SYNJ1: variants seen among roughly 807,000 people sequenced by gnomAD.
SYNJ1 encodes synaptojanin 1, also known as polyphosphatidylinositol phosphatase SYNJ1.
A neutral mutation model predicts 168.2 loss-of-function variants in SYNJ1; 78 were observed. The ratio of observed to expected loss-of-function variants is 0.46; its 90% CI spans 0.39 to 0.56. The LOEUF (loss-of-function observed/expected upper bound fraction) is 0.56, where lower values mean the gene tolerates loss of function less well. Among genes scored for constraint, SYNJ1 ranks in the 20% least tolerant of loss-of-function variants. The pLI is 0.00. For missense variants in SYNJ1, 1,303 were observed against 1,597.6 expected, an observed-to-expected ratio of 0.82 and a Z score of 3.14; for synonymous variants, 539 against 548.6, an observed-to-expected ratio of 0.98 and a Z score of 0.24.
At chr21:32,710,650 A>G (rs909579208) in intron 2 of SYNJ1, among the ~76,000 whole-genome samples, 2 of 152,066 alleles carry the variant, frequency 1.3e-5, no homozygotes, top group Non-Finnish European at 1.5e-5. Flanking sequence ...TCAACCTCCC[A>G]AAGTGCTGGG....
chr21:32,645,364 G>A (rs2040014198), intron 25 of SYNJ1, among the ~76,000 whole-genome samples: 1 of 152,072 alleles, frequency 6.6e-6, no homozygotes, highest in African/African-American at 2.4e-5. Flanking sequence ...CAGTTTACAT[G>A]CCTAACTAGA....
intron 4 of SYNJ1, among the ~76,000 whole-genome samples, chr21:32,698,000 T>A (rs2042270841): frequency 6.6e-6 from 1 of 152,194 alleles, no homozygotes; most frequent in African/African-American, 2.4e-5. Flanking sequence ...CATCTTCTAC[T>A]AGAAAAAATG....
intron 22 of SYNJ1, among the ~76,000 whole-genome samples, chr21:32,651,346 T>C (rs1007303080): frequency 2.6e-4 from 39 of 152,290 alleles, no homozygotes; most frequent in Admixed American, 1.6e-3. Flanking sequence ...TGGCTCAAAG[T>C]GTTACTGATA....
intron 2 of SYNJ1, among the ~76,000 whole-genome samples, chr21:32,716,872 T>C (rs2043041567): frequency 6.6e-6 from 1 of 152,222 alleles, no homozygotes; most frequent in African/African-American, 2.4e-5. Flanking sequence ...ACAGTTTCTA[T>C]TACTATGTCT....
intron 23 of SYNJ1, 74 bp downstream of exon 23, chr21:32,650,110 G>A (rs1694132191): frequency 6.7e-7 from 1 of 1,491,806 alleles, no homozygotes. Flanking sequence ...AGATGAACTT[G>A]GAAAATAAGA....
intron 12 of SYNJ1, among the ~76,000 whole-genome samples, chr21:32,677,348 A>G (rs1018570661): frequency 6.6e-6 from 1 of 152,210 alleles, no homozygotes; most frequent in Non-Finnish European, 1.5e-5. Context: ...GTTCCCTAAT[A>G]TATCATATTG....
At chr21:32,676,229 T>TGA (rs771122279) in intron 13 of SYNJ1, 103 bp downstream of exon 13, 70 of 888,180 alleles carry the variant, frequency 7.9e-5, no homozygotes, top group Non-Finnish European at 1.1e-4. Flanking sequence ...GATGGCAAAA[T>TGA]GAGAAAGTTT....
intron 32 of SYNJ1, among the ~76,000 whole-genome samples, chr21:32,633,330 T>C (rs1299010764): frequency 2.0e-5 from 3 of 152,106 alleles, no homozygotes; most frequent in Non-Finnish European, 4.4e-5. Context: ...AAGAAGGTGG[T>C]TGGAGTGGAG....
chr21:32,695,829 A>AT (rs2042187453), intron 4 of SYNJ1, among the ~76,000 whole-genome samples: 2 of 140,098 alleles, frequency 1.4e-5, no homozygotes, highest in African/African-American at 5.4e-5. Context: ...AGCCGGGCTA[A>AT]TTTTTTGTTT....
chr21:32,714,290 C>T (rs1351084656), intron 2 of SYNJ1, among the ~76,000 whole-genome samples: 3 of 152,054 alleles, frequency 2.0e-5, no homozygotes, highest in African/African-American at 7.2e-5. Context: ...TGTAGGTCAT[C>T]TTAGAGTTTA....
chr21:32,656,965 A>G (rs1302478185), intron 20 of SYNJ1, 38 bp downstream of exon 20: 1 of 1,610,630 alleles, frequency 6.2e-7, no homozygotes, highest in African/African-American at 1.3e-5. Flanking sequence ...TTTCAAACAA[A>G]TTTCAAACAC....
chr21:32,639,291 T>C (rs982528287), intron 30 of SYNJ1, among the ~76,000 whole-genome samples, 166 bp from the exon 31 acceptor site: 4 of 152,188 alleles, frequency 2.6e-5, no homozygotes, highest in African/African-American at 7.2e-5. Context: ...GAATATATGT[T>C]GTAGAAGGTG....
chr21:32,631,444 C>T lies in SYNJ1; in HGVS notation c.*361G>A. ...TCTTTGGAGAACCATGAAGTTGCCT[C>T]TGATTCTTCAGACTTGGCTCTAAAT... On this transcript the variant is annotated 3_prime_UTR_variant, in exon 33 of 33. Transcript: ENST00000674351. The T allele has an allele frequency of 6.2e-7, 1 of 1,614,164 alleles. No individual in the cohort carries two copies. Among genetic ancestry groups the T allele is most frequent in the Non-Finnish European group, 8.5e-7 (1 of 1,180,024 alleles).
intron 2 of SYNJ1, among the ~76,000 whole-genome samples, chr21:32,707,754 A>C (rs1457082679): frequency 2.6e-5 from 4 of 152,244 alleles, no homozygotes; most frequent in African/African-American, 9.6e-5. Context: ...TGTGCATTAA[A>C]GAACATGTTT....
chr21:32,687,991 T>G (rs553127740), intron 7 of SYNJ1, among the ~76,000 whole-genome samples: 9 of 152,106 alleles, frequency 5.9e-5, no homozygotes, highest in African/African-American at 1.7e-4. Context: ...AAATCTAGTG[T>G]GCATTTTATA....
chr21:32,638,859 T>C, intron 31 of SYNJ1, 49 bp downstream of exon 31: 1 of 1,512,914 alleles, frequency 6.6e-7, no homozygotes, highest in Non-Finnish European at 8.9e-7. Context: ...GTTCAAAGAC[T>C]AAATCATATG....
chr21:32,728,156 C>T (rs2080140681), upstream of SYNJ1: 4 of 1,270,844 alleles, frequency 3.1e-6, no homozygotes, highest in Non-Finnish European at 4.2e-6. Flanking sequence ...GCGGGCGGCC[C>T]CAGCCTCAGT....
rs113458536 is a variant in SYNJ1, at chr21:32,695,932, T to C, written c.480-650A>G. Among the ~76,000 whole-genome samples, 11 of 152,030 alleles carry C rather than the reference T, an allele frequency of 7.2e-5. 1 individual carries two copies. Among genetic ancestry groups the C allele is most frequent in the African/African-American group, 2.7e-4 (11 of 41,470 alleles). ...CGGGATCTTGGCTCACTGCAAGCTCTGCCTCCCAGTTTTATGTCATTCTCC... is the reference window on the plus strand; with the variant it reads ...CGGGATCTTGGCTCACTGCAAGCTCCGCCTCCCAGTTTTATGTCATTCTCC... On this transcript the variant is annotated intron_variant, in intron 4 of 32. Transcript: ENST00000674351.
intron 24 of SYNJ1, chr21:32,646,053 T>C (rs2040054712): frequency 2.7e-6 from 2 of 735,624 alleles, no homozygotes; most frequent in South Asian, 1.4e-5. Flanking sequence ...CCTATTGATA[T>C]GCACAAAGTA....
Sources: gnomAD v4.1 joint callset for allele counts (sites outside exome capture counted in the v4.1 genomes callset) on GRCh38, gnomAD v4.1.1 for gene constraint, MANE v1.5 for transcripts, NCBI Gene and HGNC (gene_info 2026-07-23, HGNC 2026-07-21) for gene names.